GABRB1: variants seen among roughly 807,000 people sequenced by gnomAD.
GABRB1 encodes gamma-aminobutyric acid type A receptor subunit beta1, also known as gamma-aminobutyric acid receptor subunit beta-1.
A neutral mutation model predicts 51.6 loss-of-function variants in GABRB1; 17 were observed. That is an observed-to-expected ratio of 0.33 (90% CI 0.23 to 0.49). The LOEUF is 0.49. Among genes scored for constraint, GABRB1 ranks in the 20% least tolerant of loss-of-function variants. The pLI is 0.99. For synonymous variants in GABRB1, 247 were observed against 218.9 expected, an observed-to-expected ratio of 1.13 and a Z score of -1.14; for missense variants, 410 against 600.6, an observed-to-expected ratio of 0.68 and a Z score of 3.32.
intron 4 of GABRB1, among the ~76,000 whole-genome samples, chr4:47,167,392 G>A (rs971030510): frequency 2.6e-5 from 4 of 151,724 alleles, no homozygotes; most frequent in Non-Finnish European, 4.4e-5. Context: ...ATTTAGTGGA[G>A]CATTTAACCT....
At chr4:47,226,213 A>T (rs553881944) in intron 4 of GABRB1, among the ~76,000 whole-genome samples, 2 of 152,202 alleles carry the variant, frequency 1.3e-5, no homozygotes, top group Non-Finnish European at 2.9e-5. Flanking sequence ...TCAAATTGAA[A>T]TGAACACTGT....
At chr4:47,188,543 A>G (rs1373130766) in intron 4 of GABRB1, among the ~76,000 whole-genome samples, 2 of 151,974 alleles carry the variant, frequency 1.3e-5, no homozygotes, top group Non-Finnish European at 2.9e-5. Context: ...ATATAAAAAC[A>G]CATTGTTACT....
At chr4:47,046,078 G>A (rs190217438) in intron 3 of GABRB1, among the ~76,000 whole-genome samples, 32 of 152,104 alleles carry the variant, frequency 2.1e-4, no homozygotes, top group Admixed American at 8.5e-4. Context: ...GGTTTTATAA[G>A]CATCTGGCAT....
In GABRB1 at chr4:47,105,046, G is replaced by C. The variant is rs146687052; in HGVS notation, c.241-56203G>C. ...CATCTTAGGTAGTATAGTAGAGACT[G>C]AGTTAAATATTATTTGTTCCAGGAA... On this transcript the variant is annotated intron_variant, in intron 3 of 8. Transcript: ENST00000295454. 7.3e-3 allele frequency among the ~76,000 whole-genome samples: 1,116 copies of C among 152,156 alleles called. 10 individuals are homozygous for C. Among genetic ancestry groups the C allele is most frequent in the African/African-American group, 0.025 (1,050 of 41,530 alleles).
At chr4:47,208,638 T>G (rs1194013277) in intron 4 of GABRB1, among the ~76,000 whole-genome samples, 2 of 152,100 alleles carry the variant, frequency 1.3e-5, no homozygotes, top group Non-Finnish European at 2.9e-5. Context: ...ACAATGGATT[T>G]TTCTTAGGTT....
At chr4:47,029,602 T>C (rs1024027528), upstream of GABRB1, among the ~76,000 whole-genome samples, 4 of 152,080 alleles carry the variant, frequency 2.6e-5, no homozygotes, top group African/African-American at 9.6e-5. Context: ...ATAACTTTGT[T>C]CATCTTTAGA....
intron 5 of GABRB1, among the ~76,000 whole-genome samples, chr4:47,353,161 A>G (rs1726423468): frequency 6.6e-6 from 1 of 152,326 alleles, no homozygotes; most frequent in South Asian, 2.1e-4. Context: ...AACCACCCCC[A>G]TGATTCAAAT....
At chr4:47,057,790 C>G (rs80159111) in intron 3 of GABRB1, among the ~76,000 whole-genome samples, 3 of 152,144 alleles carry the variant, frequency 2.0e-5, no homozygotes, top group African/African-American at 7.2e-5. Context: ...AATGGCCTAA[C>G]CCAGCAAAAT....
chr4:47,154,559 T>G (rs1158167044), intron 3 of GABRB1, among the ~76,000 whole-genome samples: 4 of 152,200 alleles, frequency 2.6e-5, no homozygotes, highest in African/African-American at 4.8e-5. Flanking sequence ...TCCTTGGCCT[T>G]TAATGTATGC....
At chr4:47,278,539 C>G (rs13127214) in intron 4 of GABRB1, among the ~76,000 whole-genome samples, 137,812 of 152,140 alleles carry the variant, frequency 0.91, 62,520 homozygotes, top group East Asian at 0.98. Context: ...TTTCATAGTG[C>G]ATGCAAAGCC....
At chr4:47,297,961 A>T (rs1333750394) in intron 4 of GABRB1, among the ~76,000 whole-genome samples, 1 of 152,276 alleles carries the variant, frequency 6.6e-6, no homozygotes, top group Non-Finnish European at 1.5e-5. Flanking sequence ...AATGTAATGC[A>T]GCATATAAAC....
chr4:47,038,985 C>A (rs955143926), intron 3 of GABRB1, among the ~76,000 whole-genome samples: 1 of 152,028 alleles, frequency 6.6e-6, no homozygotes, highest in Non-Finnish European at 1.5e-5. Flanking sequence ...GTAGATCAAG[C>A]ATTTCATGAA....
chr4:47,371,085 T>TCCCCCCCCCCCCCCCC (rs59604624), intron 5 of GABRB1, among the ~76,000 whole-genome samples: 9 of 129,602 alleles, frequency 6.9e-5, no homozygotes, highest in Admixed American at 1.6e-4. Flanking sequence ...ATGCTCTCCC[T>TCCCCCCCCCCCCCCCC]CCCCCACCCC....
rs114001972 is a variant in GABRB1, at chr4:47,154,327, A to G, written c.241-6922A>G. ...GCATGTATACTAGTATATACAGGTGACTTGTCCTGGTAATTTATTTTTATT... is the reference window on the plus strand; with the variant it reads ...GCATGTATACTAGTATATACAGGTGGCTTGTCCTGGTAATTTATTTTTATT... On this transcript the variant is annotated intron_variant, in intron 3 of 8. Coordinates refer to ENST00000295454, the MANE Select transcript of GABRB1 (RefSeq NM_000812.4). Among the ~76,000 whole-genome samples, 439 of 145,578 alleles carry G rather than the reference A, an allele frequency of 3.0e-3. 1 individual carries two copies. The highest frequency in any genetic ancestry group is 0.011 in the African/African-American group (427 of 39,076).
At chr4:47,337,401 G>A (rs960217777) in intron 5 of GABRB1, among the ~76,000 whole-genome samples, 67 of 152,148 alleles carry the variant, frequency 4.4e-4, no homozygotes, top group African/African-American at 1.5e-3. Flanking sequence ...TGGTGAGGAT[G>A]AGAGCATTGA....
chr4:47,017,159 G>A (rs371864843), intron 1 of GABRB1, among the ~76,000 whole-genome samples: 3 of 152,042 alleles, frequency 2.0e-5, no homozygotes, highest in African/African-American at 2.4e-5. Context: ...CTACATGTGC[G>A]GCCTTCTCCA....
intron 5 of GABRB1, among the ~76,000 whole-genome samples, chr4:47,330,056 GA>G (rs1725419804): frequency 6.6e-6 from 1 of 152,116 alleles, no homozygotes; most frequent in East Asian, 1.9e-4. Flanking sequence ...CAAGACCTAG[GA>G]AGTACTGATG....
At chr4:47,345,743 C>T (rs1472425675) in intron 5 of GABRB1, among the ~76,000 whole-genome samples, 1 of 152,184 alleles carries the variant, frequency 6.6e-6, no homozygotes, top group Non-Finnish European at 1.5e-5. Flanking sequence ...GAAAATGTTA[C>T]TCCGGACCTC....
At chr4:46,996,703 A>G (rs1449240271) in intron 1 of GABRB1, among the ~76,000 whole-genome samples, 1 of 152,118 alleles carries the variant, frequency 6.6e-6, no homozygotes, top group African/African-American at 2.4e-5. Context: ...AAGCTTCCCC[A>G]TTGCCAGTTT....
Sources: gnomAD v4.1 joint callset for allele counts (sites outside exome capture counted in the v4.1 genomes callset) on GRCh38, gnomAD v4.1.1 for gene constraint, MANE v1.5 for transcripts, NCBI Gene and HGNC (gene_info 2026-07-23, HGNC 2026-07-21) for gene names.